The following C1QL1 variants were observed in gnomAD, a reference collection of about 807,000 sequenced individuals.
C1QL1 encodes C1q-related factor.
Under a neutral mutation model 14.2 loss-of-function variants are expected in C1QL1, and 15 were observed. That is an observed-to-expected ratio of 1.06 (90% CI 0.71 to 1.62). The LOEUF is 1.62. C1QL1 is among the 40% of genes most tolerant of loss of function. The probability of loss-of-function intolerance (pLI) is 0.00; values close to 1 mark genes in which losing one functional copy is unlikely to be tolerated. For synonymous variants in C1QL1, 172 were observed against 172.4 expected, an observed-to-expected ratio of 1.00 and a Z score of 0.02; for missense variants, 346 against 380.3, an observed-to-expected ratio of 0.91 and a Z score of 0.75.
chr17:44,967,348 T>G lies in C1QL1; in HGVS notation c.597+104A>C, dbSNP rs766137309. 6.4e-6 allele frequency: 8 copies of G among 1,240,682 alleles called. No homozygotes were observed. Among genetic ancestry groups the G allele is most frequent in the Non-Finnish European group, 9.0e-6 (8 of 888,082 alleles). 76.9% of individuals were successfully genotyped at this position (1,240,682 alleles called of 1,614,324 possible). On this transcript the variant is annotated intron_variant, in intron 1 of 1. Coordinates refer to ENST00000253407, the MANE Select transcript of C1QL1 (RefSeq NM_006688.5). The surrounding 1 kb of genome is among the most constrained non-coding windows in gnomAD (Gnocchi z 7.0). Reference sequence around the variant, plus strand: ...GCCGCTGTGGGGTGGGATCTCCACCTGCGTCCGCCTGGCGCCCCCGCCAAC... The same window carrying G: ...GCCGCTGTGGGGTGGGATCTCCACCGGCGTCCGCCTGGCGCCCCCGCCAAC...
intron 1 of C1QL1, among the ~76,000 whole-genome samples, chr17:44,961,625 G>A (rs191786490): frequency 0.033 from 5,012 of 149,712 alleles, 112 homozygotes; most frequent in South Asian, 0.074. Flanking sequence ...GGTGGCTCAC[G>A]CCTGTAATCC....
chr17:44,966,014 C>A (rs3024274), intron 1 of C1QL1, among the ~76,000 whole-genome samples: 1 of 152,060 alleles, frequency 6.6e-6, no homozygotes, highest in Non-Finnish European at 1.5e-5. Flanking sequence ...GATAGACACA[C>A]GTGGGAAAGA....
chr17:44,967,624 C>A lies in C1QL1; in HGVS notation c.425G>T (p.Gly142Val), dbSNP rs199636196. The change falls in exon 1 of 2, where the codon GGT becomes GTT. Residue 142 changes from glycine to valine, a missense_variant. By Grantham distance (109) the Gly-to-Val change is moderately radical. Coordinates refer to ENST00000253407, the MANE Select transcript of C1QL1 (RefSeq NM_006688.5). This position sits in a 1 kb window ranked among gnomAD's most constrained non-coding sequence, Gnocchi z 7.0. The stretch of plus-strand genomic sequence containing the variant: ...GTCGTCAAACTTGAGTACCTCGTAA[C>A]CCTCGTGGGGGTTCTTGAGGCCGGC... Reference protein sequence around the residue: ...FYAGLKNPHEGYEVLKFDDVV... With the variant: ...FYAGLKNPHEVYEVLKFDDVV... 1 of 1,613,986 alleles carries A rather than the reference C, an allele frequency of 6.2e-7. No homozygotes were observed. Among genetic ancestry groups the A allele is most frequent in the East Asian group, 2.2e-5 (1 of 44,868 alleles).
chr17:44,962,555 T>C (rs1444165708), intron 1 of C1QL1, among the ~76,000 whole-genome samples: 1 of 152,158 alleles, frequency 6.6e-6, no homozygotes, highest in Non-Finnish European at 1.5e-5. Flanking sequence ...TAAAAGTCTT[T>C]TGATGATAAA....
chr17:44,965,082 A>G (rs961275609), intron 1 of C1QL1, among the ~76,000 whole-genome samples: 39 of 150,176 alleles, frequency 2.6e-4, no homozygotes, highest in African/African-American at 9.6e-4. Flanking sequence ...GCGCGATCTC[A>G]GCTCACTGCA....
Position 44,967,478 on chromosome 17 carries a change from A to G in C1QL1, c.571T>C (p.Trp191Arg). 1 of 1,613,860 alleles carries G rather than the reference A, an allele frequency of 6.2e-7. No individual in the cohort carries two copies. Among genetic ancestry groups the G allele is most frequent in the Non-Finnish European group, 8.5e-7 (1 of 1,179,874 alleles). ...LMRGGDGTSM[W>R]ADLCKNGQVR... is the part of the protein sequence containing the mutation. ...TGGCCATTCTTGCAGAGGTCTGCCCACATACTGGTGCCGTCGCCGCCGCGC... is the reference window on the plus strand; with the variant it reads ...TGGCCATTCTTGCAGAGGTCTGCCCGCATACTGGTGCCGTCGCCGCCGCGC... Residue 191 changes from tryptophan to arginine, a missense_variant, in exon 1 of 2, where the codon TGG becomes CGG. Physicochemically the swap from Trp to Arg is moderately radical, Grantham distance 101. Coordinates refer to ENST00000253407, the MANE Select transcript of C1QL1 (RefSeq NM_006688.5). This position sits in a 1 kb window ranked among gnomAD's most constrained non-coding sequence, Gnocchi z 7.0.
In C1QL1 at chr17:44,968,206, A is replaced by AT. The variant is rs2143031719; in HGVS notation, c.-159dup. 1 of 176,798 alleles carries AT rather than the reference A, an allele frequency of 5.7e-6. No homozygotes were observed. The highest frequency in any genetic ancestry group is 1.9e-4 in the South Asian group (1 of 5,302). The allele number at this position is 176,798 out of a possible 1,614,324, so 11.0% of individuals were successfully genotyped here. ...AGGACGGTCCGGCGGGGCTGCGGGC[A>AT]TGGGGCCGGGCCCGGGGCGCCGCGC... On this transcript the variant is annotated 5_prime_UTR_variant, in exon 1 of 2. In the 5' UTR this introduces an upstream ATG that the reference lacks. Transcript: ENST00000253407.
At position 44,967,779 on chromosome 17, in the gene C1QL1, G is replaced by C; in HGVS notation, c.270C>G (p.Pro90=). The C allele has an allele frequency of 6.6e-7, 1 of 1,509,164 alleles. No homozygotes were observed. The highest frequency in any genetic ancestry group is 8.8e-7 in the Non-Finnish European group (1 of 1,138,264). The allele number at this position is 1,509,164 out of a possible 1,614,324, so 93.5% of individuals were successfully genotyped here. A position where few individuals can be genotyped will look rare whatever the true frequency, so the allele number is the denominator to read the frequency against. Residue 90 remains proline, a synonymous_variant, in exon 1 of 2, where the codon CCC becomes CCG. Coordinates refer to ENST00000253407, the MANE Select transcript of C1QL1 (RefSeq NM_006688.5). The surrounding 1 kb of genome is among the most constrained non-coding windows in gnomAD (Gnocchi z 7.0). ...TCTCCCCCGGCGGCCCCACAGGGCC[G>C]GGAGGACCTGGGTCCCCGGGAGGCC... ...PPGPPGDPGP[P]GPVGPPGEKG... is the part of the protein sequence containing the mutation.
At position 44,968,263 on chromosome 17, in the gene C1QL1, G is replaced by C. The variant is rs1406549601; in HGVS notation, c.-215C>G. Among the ~76,000 whole-genome samples, 1 of 146,376 alleles carries C rather than the reference G, an allele frequency of 6.8e-6. No individual in the cohort carries two copies. Among genetic ancestry groups the C allele is most frequent in the Non-Finnish European group, 1.5e-5 (1 of 66,324 alleles). On this transcript the variant is annotated 5_prime_UTR_variant, in exon 1 of 2. Transcript: ENST00000253407. ...GGCTGCGCTGCGGAGCCCAGCCGCC[G>C]GCTCCTGCCTCGCGCCTCCCTCCTG...
chr17:44,960,519 C>T (rs1306408852), intron 1 of C1QL1, 152 bp from the exon 2 acceptor site: 1 of 623,778 alleles, frequency 1.6e-6, no homozygotes, highest in Admixed American at 2.7e-5. Context: ...CCCCCGCCCC[C>T]TTCCAATCAT....
intron 1 of C1QL1, among the ~76,000 whole-genome samples, chr17:44,966,139 T>C (rs1007613013): frequency 1.3e-5 from 2 of 151,962 alleles, no homozygotes; most frequent in Middle Eastern, 3.4e-3. Context: ...AACAGCAAAA[T>C]AGAAGAAAGA....
At position 44,967,729 on chromosome 17, in the gene C1QL1, G is replaced by A. The variant is rs2052665319; in HGVS notation, c.320C>T (p.Pro107Leu). The A allele has an allele frequency of 1.2e-6, 2 of 1,605,378 alleles. No individual in the cohort carries two copies. The highest frequency in any genetic ancestry group is 1.7e-6 in the Non-Finnish European group (2 of 1,177,594). ...GCCCCCCGCGCCCGGCAGCCCCGGA[G>A]GGCCCGGCTTGCCTGGCTCACCCTT... is the stretch of plus-strand genomic sequence containing the variant. Reference protein sequence around the residue: ...GEKGEPGKPGPPGLPGAGGSG... With the variant: ...GEKGEPGKPGLPGLPGAGGSG... Residue 107 changes from proline to leucine, a missense_variant, in exon 1 of 2, where the codon CCT becomes CTT. By Grantham distance (98) the Pro-to-Leu change is moderately conservative. Transcript: ENST00000253407. This position sits in a 1 kb window ranked among gnomAD's most constrained non-coding sequence, Gnocchi z 7.0.
chr17:44,966,976 A>G (rs1206392498), intron 1 of C1QL1, among the ~76,000 whole-genome samples: 1 of 152,180 alleles, frequency 6.6e-6, no homozygotes, highest in Non-Finnish European at 1.5e-5. Context: ...TTTGTGCCCC[A>G]AACATTTCCT....
rs763037068 is a variant in C1QL1 at position 44,967,231 on chromosome 17, C to T, written c.597+221G>A. On this transcript the variant is annotated intron_variant, in intron 1 of 1. Coordinates refer to ENST00000253407, the MANE Select transcript of C1QL1 (RefSeq NM_006688.5). The surrounding 1 kb of genome is among the most constrained non-coding windows in gnomAD (Gnocchi z 7.0). ...TTCCAGTAGCGTTCCAGACGGTGCCCAGCAGCGTCTGTCTTGGAGCGGGAA... is the reference window on the plus strand; with the variant it reads ...TTCCAGTAGCGTTCCAGACGGTGCCTAGCAGCGTCTGTCTTGGAGCGGGAA... 5.3e-5 allele frequency among the ~76,000 whole-genome samples: 8 copies of T among 152,256 alleles called. No homozygotes were observed. Among genetic ancestry groups the T allele is most frequent in the Non-Finnish European group, 1.0e-4 (7 of 68,044 alleles).
At chr17:44,962,594 C>T (rs1292469212) in intron 1 of C1QL1, among the ~76,000 whole-genome samples, 7 of 152,146 alleles carry the variant, frequency 4.6e-5, no homozygotes, top group African/African-American at 1.7e-4. Flanking sequence ...CTTGATGGGG[C>T]TTTGAGTTAT....
rs955121107 is a variant in C1QL1, at chr17:44,967,489, C to T, written c.560G>A (p.Gly187Asp). ...TYHVLMRGGD[G>D]TSMWADLCKN... is the part of the protein sequence containing the mutation. Reference sequence around the variant, plus strand: ...GCAGAGGTCTGCCCACATACTGGTGCCGTCGCCGCCGCGCATGAGGACATG... The same window carrying T: ...GCAGAGGTCTGCCCACATACTGGTGTCGTCGCCGCCGCGCATGAGGACATG... The change falls in exon 1 of 2, where the codon GGC becomes GAC. Residue 187 changes from glycine (G) to aspartate (D), a missense_variant. Coordinates refer to ENST00000253407, the MANE Select transcript of C1QL1 (RefSeq NM_006688.5). The surrounding 1 kb of genome is among the most constrained non-coding windows in gnomAD (Gnocchi z 7.0). The T allele has an allele frequency of 1.2e-6, 2 of 1,613,962 alleles. No individual in the cohort carries two copies. The highest frequency in any genetic ancestry group is 1.7e-6 in the Non-Finnish European group (2 of 1,179,910).
chr17:44,968,227 C>A lies in C1QL1; in HGVS notation c.-179G>T, dbSNP rs927744026. 2.0e-5 allele frequency among the ~76,000 whole-genome samples: 3 copies of A among 147,490 alleles called. No homozygotes were observed. Among genetic ancestry groups the A allele is most frequent in the African/African-American group, 4.9e-5 (2 of 40,894 alleles). On this transcript the variant is annotated 5_prime_UTR_variant, in exon 1 of 2. Transcript: ENST00000253407. ...GGGCATGGGGCCGGGCCCGGGGCGC[C>A]GCGCTGCGCTGGCTGCGCTGCGGAG...
At chr17:44,960,446 G>A (rs1381056538) in intron 1 of C1QL1, 79 bp from the exon 2 acceptor site, 3 of 1,031,290 alleles carry the variant, frequency 2.9e-6, no homozygotes, top group Non-Finnish European at 4.5e-6. Context: ...GTCCCGTGGG[G>A]GAGGATCAGC....
intron 1 of C1QL1, among the ~76,000 whole-genome samples, chr17:44,962,865 TTTA>T (rs1279428352): frequency 1.3e-5 from 2 of 152,212 alleles, no homozygotes; most frequent in Non-Finnish European, 2.9e-5. Context: ...TATGCTTATG[TTTA>T]TTATTTATTC....
Sources: gnomAD v4.1 joint callset for allele counts (sites outside exome capture counted in the v4.1 genomes callset) on GRCh38, gnomAD v4.1.1 for gene constraint, Gnocchi (gnomAD v3.1) non-coding constraint, MANE v1.5 for transcripts, NCBI Gene and HGNC (gene_info 2026-07-23, HGNC 2026-07-21) for gene names.